The following PDXDC1 variants were observed in gnomAD, a reference collection of about 807,000 sequenced individuals.
PDXDC1 encodes pyridoxal dependent decarboxylase domain containing 1.
Under a neutral mutation model 100.1 loss-of-function variants are expected in PDXDC1, and 42 were observed. The ratio of observed to expected loss-of-function variants is 0.42; its 90% confidence interval spans 0.33 to 0.54. The LOEUF is 0.54. PDXDC1 is among the 20% of genes least tolerant of loss of function. PDXDC1 has a pLI of 0.10. For missense variants in PDXDC1, 636 were observed against 979.2 expected (o/e 0.65, Z 4.68); for synonymous variants, 260 against 371.7 (o/e 0.70, Z 3.46).
intron 16 of PDXDC1, chr16:15,131,696 G>C: frequency 6.5e-7 from 1 of 1,547,818 alleles, no homozygotes; most frequent in Non-Finnish European, 8.7e-7. Context: ...CTGGCCAGGT[G>C]GATGAGGTCT....
intron 1 of PDXDC1, among the ~76,000 whole-genome samples, chr16:14,984,513 T>TTC (rs1968869201): frequency 7.2e-6 from 1 of 139,564 alleles, no homozygotes. Context: ...TTTTTTTTTT[T>TTC]CTGAGACGGA....
chr16:15,125,406 C>G (rs1219446753), intron 16 of PDXDC1: 3 of 787,040 alleles, frequency 3.8e-6, no homozygotes, highest in Non-Finnish European at 6.6e-6. Flanking sequence ...GCACGGACAC[C>G]CTGGGCTTCC....
At chr16:14,999,603 C>T (rs1260987571) in intron 3 of PDXDC1, among the ~76,000 whole-genome samples, 7 of 152,214 alleles carry the variant, frequency 4.6e-5, no homozygotes, top group Non-Finnish European at 7.3e-5. Flanking sequence ...TTAGTTCACT[C>T]TTGAAACCTG....
intron 16 of PDXDC1, chr16:15,127,055 T>C (rs928730412): frequency 1.4e-5 from 5 of 351,282 alleles, no homozygotes; most frequent in African/African-American, 4.3e-5. Flanking sequence ...CCTGAAGTGT[T>C]GGGATTATAG....
intron 16 of PDXDC1, among the ~76,000 whole-genome samples, chr16:15,069,682 A>G (rs1340275828): frequency 6.6e-6 from 1 of 152,164 alleles, no homozygotes; most frequent in African/African-American, 2.4e-5. Context: ...TGCTGTCTGT[A>G]AAGGGAGAAT....
At chr16:15,112,847 T>C (rs900591560) in intron 16 of PDXDC1, among the ~76,000 whole-genome samples, 8 of 109,730 alleles carry the variant, frequency 7.3e-5, no homozygotes, top group African/African-American at 2.8e-4. Context: ...AGATGAGAGG[T>C]ACAAAGTTGT....
At chr16:14,988,110 TG>T (rs1969835714) in intron 1 of PDXDC1, 1 of 1,156,026 alleles carries the variant, frequency 8.7e-7, no homozygotes, top group African/African-American at 1.5e-5. Flanking sequence ...CAAACTCTGG[TG>T]TATCCACACT....
chr16:15,061,557 G>T (rs2044710065), intron 16 of PDXDC1: 8 of 488,484 alleles, frequency 1.6e-5, no homozygotes, highest in Non-Finnish European at 2.9e-5. Context: ...TCTGTAAGGG[G>T]AACAACAACA....
At chr16:15,035,704 T>C in intron 22 of PDXDC1, 151 bp downstream of exon 22, 1 of 601,140 alleles carries the variant, frequency 1.7e-6, no homozygotes, top group Non-Finnish European at 2.9e-6. Flanking sequence ...GCCGTGGGAT[T>C]CAGCCTTGAA....
intron 8 of PDXDC1, among the ~76,000 whole-genome samples, chr16:15,010,070 A>G (rs1239119961): frequency 6.6e-6 from 1 of 152,264 alleles, no homozygotes; most frequent in Non-Finnish European, 1.5e-5. Context: ...TTTTTGAGAT[A>G]GAGTCTCACT....
intron 16 of PDXDC1, chr16:15,091,272 A>G: frequency 6.2e-7 from 1 of 1,604,906 alleles, no homozygotes; most frequent in Non-Finnish European, 8.5e-7. Context: ...GTCTGTATAC[A>G]GTGGCAATAA....
Position 15,133,588 on chromosome 16 carries a change from G to A in PDXDC1, c.1400-5291G>A, listed in dbSNP as rs1405554827. 29 of 1,130,076 alleles carry A rather than the reference G, an allele frequency of 2.6e-5. No individual in the cohort carries two copies. The Middle Eastern group carries it at 8.4e-4, about 33-fold the overall frequency. 70.0% of individuals were successfully genotyped at this position (1,130,076 alleles called of 1,614,324 possible). The stretch of plus-strand genomic sequence containing the variant: ...TGAAACCCGGGGGCAGCACGGCTCC[G>A]TAGCCGGAGAGGCTGCCCTTGTAGA... On this transcript the variant is annotated intron_variant, in intron 16 of 16. Coordinates refer to the PDXDC1 transcript ENST00000535621.
the PDXDC1 span, among the ~76,000 whole-genome samples, chr16:15,145,310 A>T: frequency 6.6e-6 from 1 of 152,240 alleles, no homozygotes; most frequent in Non-Finnish European, 1.5e-5. Context: ...GGCACAGCCA[A>T]TGATGGCACG....
At chr16:14,996,992 G>A (rs1414515297) in intron 1 of PDXDC1, among the ~76,000 whole-genome samples, 5 of 152,168 alleles carry the variant, frequency 3.3e-5, no homozygotes, top group African/African-American at 9.6e-5. Context: ...TAGGTCATGC[G>A]TTGCCGGTAC....
downstream of PDXDC1, chr16:15,040,080 C>CA: frequency 6.9e-7 from 1 of 1,448,330 alleles, no homozygotes; most frequent in Non-Finnish European, 9.7e-7. Context: ...TGAGGGACAA[C>CA]AGGATGACTC....
At position 15,034,502 on chromosome 16, in the gene PDXDC1, T is replaced by C; in HGVS notation, c.1951T>C (p.Phe651Leu). The change falls in exon 21 of 23, where the codon TTT (phenylalanine) becomes CTT (leucine). Residue 651 changes from phenylalanine to leucine, a missense_variant. Phe to Leu is a conservative substitution (Grantham distance 22). Transcript: ENST00000396410. ...TGTAGTGGGCTCCGTGCTGAATTGG[T>C]TTTCTCCGGTCCAGGCTTTACAGAA... Reference protein sequence around the residue: ...IPVVGSVLNWFSPVQALQKGR... With the variant: ...IPVVGSVLNWLSPVQALQKGR... The C allele has an allele frequency of 6.2e-7, 1 of 1,614,072 alleles. No homozygotes were observed. Among genetic ancestry groups the C allele is most frequent in the African/African-American group, 1.3e-5 (1 of 75,022 alleles).
intron 16 of PDXDC1, among the ~76,000 whole-genome samples, chr16:15,056,622 G>A (rs2044535450): frequency 6.6e-6 from 1 of 151,696 alleles, no homozygotes; most frequent in Non-Finnish European, 1.5e-5. Flanking sequence ...CCATACCCTC[G>A]TCTCTGCCAA....
downstream of PDXDC1, among the ~76,000 whole-genome samples, chr16:15,143,421 C>T (rs542192943): frequency 1.4e-4 from 21 of 152,338 alleles, no homozygotes; most frequent in African/African-American, 3.6e-4. Flanking sequence ...CCTGCCGGCC[C>T]GAGGTATCTG....
At chr16:14,988,350 A>AC in intron 1 of PDXDC1, 2 of 1,614,224 alleles carry the variant, frequency 1.2e-6, no homozygotes, top group Middle Eastern at 1.6e-4. Flanking sequence ...GAAGAGGTGG[A>AC]AGAGGGTGAT....
Sources: gnomAD v4.1 joint callset for allele counts (sites outside exome capture counted in the v4.1 genomes callset) on GRCh38, gnomAD v4.1.1 for gene constraint, MANE v1.5 for transcripts, NCBI Gene and HGNC (gene_info 2026-07-23, HGNC 2026-07-21) for gene names.